Variants in MAP4 observed in about 807,000 individuals in gnomAD.
The protein encoded by MAP4 is microtubule-associated protein 4.
Under a neutral mutation model 170.2 loss-of-function variants are expected in MAP4, and 76 were observed. The ratio of observed to expected loss-of-function variants is 0.45; its 90% CI spans 0.37 to 0.54. The LOEUF is 0.54. Among genes scored for constraint, MAP4 ranks in the 20% least tolerant of loss-of-function variants. The pLI, the probability that MAP4 is intolerant of heterozygous loss-of-function variation, is 0.00. For missense variants in MAP4, 2,506 were observed against 2,748.0 expected (o/e 0.91, Z 1.97); for synonymous variants, 909 against 994.5 (o/e 0.91, Z 1.62).
At chr3:47,960,473 C>A in intron 3 of MAP4, 1 of 189,216 alleles carries the variant, frequency 5.3e-6, no homozygotes, top group South Asian at 1.3e-4. Context: ...GGAGTTAGGT[C>A]ATATCCTGCT....
intron 3 of MAP4, chr3:47,973,838 G>A: frequency 1.0e-6 from 1 of 985,366 alleles, no homozygotes; most frequent in Non-Finnish European, 1.2e-6. Flanking sequence ...CAAAGGGAAA[G>A]GGTTGTGTTT....
chr3:47,971,619 A>G (rs1186552531), intron 3 of MAP4, among the ~76,000 whole-genome samples: 2 of 152,252 alleles, frequency 1.3e-5, no homozygotes, highest in African/African-American at 4.8e-5. Context: ...GTCTAGCCCC[A>G]AACACTATAA....
intron 1 of MAP4, among the ~76,000 whole-genome samples, chr3:48,076,489 G>C (rs1376576303): frequency 6.7e-6 from 1 of 148,228 alleles, no homozygotes; most frequent in Non-Finnish European, 1.5e-5. Flanking sequence ...GTGACAGAAC[G>C]AGACTACATC....
At chr3:47,874,335 G>A (rs569866550) in intron 12 of MAP4, among the ~76,000 whole-genome samples, 1 of 152,288 alleles carries the variant, frequency 6.6e-6, no homozygotes, top group African/African-American at 2.4e-5. Context: ...CAGGCGTGGT[G>A]GCGGGTGCCT....
intron 1 of MAP4, among the ~76,000 whole-genome samples, chr3:48,058,005 C>G (rs933776339): frequency 1.3e-5 from 2 of 152,132 alleles, no homozygotes; most frequent in African/African-American, 4.8e-5. Flanking sequence ...TCCCAAGCAC[C>G]TACACCAAAG....
chr3:48,020,670 A>G (rs2100110096), upstream of MAP4, among the ~76,000 whole-genome samples: 1 of 152,252 alleles, frequency 6.6e-6, no homozygotes, highest in African/African-American at 2.4e-5. Flanking sequence ...ATAACTTTTA[A>G]TATTTTACCT....
chr3:48,020,918 C>G (rs2100110232), upstream of MAP4, among the ~76,000 whole-genome samples: 1 of 152,022 alleles, frequency 6.6e-6, no homozygotes, highest in South Asian at 2.1e-4. Flanking sequence ...CCAGCCTCAA[C>G]CTCCCAGGTA....
chr3:48,024,096 G>A (rs986994329), intron 1 of MAP4, among the ~76,000 whole-genome samples: 6 of 152,200 alleles, frequency 3.9e-5, no homozygotes, highest in South Asian at 2.1e-4. Context: ...TGGATCATGA[G>A]GTCAAGAGAT....
intron 1 of MAP4, among the ~76,000 whole-genome samples, chr3:48,061,473 T>C (rs901629601): frequency 1.3e-5 from 2 of 152,036 alleles, no homozygotes; most frequent in South Asian, 2.1e-4. Flanking sequence ...GGATTGCAGA[T>C]GGAGTCTCGT....
rs2042219443 is a variant in MAP4 at position 47,851,537 on chromosome 3, C to T, written c.*1397G>A. Reference sequence around the variant, plus strand: ...CCTCCAGAGAAGCCCTTGGAATCTCCCAGGCCATTTCACTACAAACTTATG... The same window carrying T: ...CCTCCAGAGAAGCCCTTGGAATCTCTCAGGCCATTTCACTACAAACTTATG... On this transcript the variant is annotated 3_prime_UTR_variant, in exon 21 of 21. Coordinates refer to ENST00000683076, the MANE Select transcript of MAP4 (RefSeq NM_001385682.1). 6.6e-6 allele frequency: 1 copy of T among 152,206 alleles called. No homozygotes were observed. The highest frequency in any genetic ancestry group is 2.1e-4 in the South Asian group (1 of 4,830). The allele number at this position is 152,206 out of a possible 1,614,324, so 9.4% of individuals were successfully genotyped here. A position where few individuals can be genotyped will look rare whatever the true frequency, so the allele number is the denominator to read the frequency against.
At chr3:47,869,142 G>C in intron 16 of MAP4, 72 bp downstream of exon 16, 1 of 1,128,368 alleles carries the variant, frequency 8.9e-7, no homozygotes, top group Non-Finnish European at 1.4e-6. Flanking sequence ...TGCAAGAGAG[G>C]GCATGTGGCT....
chr3:48,042,429 G>C (rs192195508), intron 1 of MAP4, among the ~76,000 whole-genome samples: 214 of 152,120 alleles, frequency 1.4e-3, no homozygotes, highest in Middle Eastern at 6.8e-3. Context: ...CAAAAACTCT[G>C]GCAACTTAAT....
chr3:47,955,418 AT>A (rs2100067127), intron 3 of MAP4, among the ~76,000 whole-genome samples: 1 of 144,980 alleles, frequency 6.9e-6, no homozygotes, highest in Admixed American at 7.5e-5. Context: ...TTCCAAAAAA[AT>A]AAATAAATAA....
intron 1 of MAP4, among the ~76,000 whole-genome samples, chr3:48,076,714 C>T (rs909490219): frequency 5.3e-5 from 8 of 151,782 alleles, no homozygotes; most frequent in African/African-American, 1.9e-4. Context: ...AAAGAACAAA[C>T]GAATGAAAAA....
chr3:47,997,082 T>C (rs2100096158), intron 2 of MAP4, among the ~76,000 whole-genome samples: 1 of 148,538 alleles, frequency 6.7e-6, no homozygotes, highest in East Asian at 2.0e-4. Flanking sequence ...CAAACAGAAA[T>C]AAAGAGAGAA....
At chr3:48,011,578 G>C (rs1411887628) in intron 1 of MAP4, among the ~76,000 whole-genome samples, 2 of 151,332 alleles carry the variant, frequency 1.3e-5, no homozygotes, top group Non-Finnish European at 2.9e-5. Flanking sequence ...AGTTCCTATA[G>C]TAGTAGTGGC....
At chr3:48,059,201 GA>G (rs2100133838) in intron 1 of MAP4, among the ~76,000 whole-genome samples, 1 of 151,992 alleles carries the variant, frequency 6.6e-6, no homozygotes, top group Admixed American at 6.6e-5. Context: ...AAAACTACAT[GA>G]ACTGAACAGA....
intron 3 of MAP4, among the ~76,000 whole-genome samples, chr3:47,929,695 AAAACTTAT>A (rs1243066461): frequency 4.6e-5 from 7 of 151,358 alleles, no homozygotes; most frequent in Non-Finnish European, 1.0e-4. Context: ...TAAAACTAAA[AAAACTTAT>A]AAACAGGAAA....
chr3:47,965,407 G>C (rs2100074244), intron 3 of MAP4, among the ~76,000 whole-genome samples: 1 of 152,138 alleles, frequency 6.6e-6, no homozygotes, highest in East Asian at 1.9e-4. Context: ...ATTCCTTTGG[G>C]CATATATCCA....
Sources: allele counts gnomAD v4.1 joint callset (sites outside exome capture counted in the v4.1 genomes callset), GRCh38; gene constraint gnomAD v4.1.1; transcripts MANE v1.5; gene names NCBI Gene and HGNC (gene_info 2026-07-23, HGNC 2026-07-21).